PLPPR1: variants seen among roughly 807,000 people sequenced by gnomAD.
PLPPR1 encodes phospholipid phosphatase related 1.
In PLPPR1, 10 loss-of-function variants were observed where a neutral mutation model predicts 33.1. The observed-to-expected ratio is 0.30, with a 90% confidence interval of 0.19 to 0.51. PLPPR1 has a LOEUF of 0.51. PLPPR1 is among the 20% of genes least tolerant of loss of function. PLPPR1 has a pLI of 0.97. For missense variants in PLPPR1, 304 were observed against 408.1 expected, an observed-to-expected ratio of 0.74 and a Z score of 2.20; for synonymous variants, 151 against 151.0, an observed-to-expected ratio of 1.00 and a Z score of 0.00.
In PLPPR1 at chr9:101,286,122, T is replaced by C. The variant is rs1166917256; in HGVS notation, c.271T>C (p.Ser91Pro). 1 of 1,612,570 alleles carries C rather than the reference T, an allele frequency of 6.2e-7. No individual in the cohort carries two copies. The highest frequency in any genetic ancestry group is 8.5e-7 in the Non-Finnish European group (1 of 1,178,732). Residue 91 changes from serine (S) to proline (P), a missense_variant, in exon 4 of 8, where the codon TCC becomes CCC. Ser to Pro is a moderately conservative substitution (Grantham distance 74). Coordinates refer to ENST00000374874, the MANE Select transcript of PLPPR1 (RefSeq NM_207299.2). ...TCCCTAGATTTTTATTGGTGAGATA[T>C]CCATGTATTTCATAAAATCAACAAG... is the stretch of plus-strand genomic sequence containing the variant. ...PTAIIFIGEI[S>P]MYFIKSTRES...
intron 1 of PLPPR1, among the ~76,000 whole-genome samples, chr9:101,078,187 GGA>G (rs1400150511): frequency 1.1e-4 from 2 of 17,734 alleles, no homozygotes; most frequent in African/African-American, 5.1e-4. Flanking sequence ...AAGAAGAAGA[GGA>G]GGGGGGGAGG....
At position 101,312,267 on chromosome 9, in the gene PLPPR1, A is replaced by G. The variant is rs374795263; in HGVS notation, c.637-531A>G. Among the ~76,000 whole-genome samples, 68 of 151,504 alleles carry G rather than the reference A, an allele frequency of 4.5e-4. No homozygotes were observed. The South Asian group carries it at 8.9e-3, about 20-fold the overall frequency. ...TGGGAGGTTCTAATTCAGCCTATCA[A>G]CTAACTCATCAGTCAACACTTTGTT... On this transcript the variant is annotated intron_variant, in intron 5 of 7. Coordinates refer to ENST00000374874, the MANE Select transcript of PLPPR1 (RefSeq NM_207299.2).
rs779662146 is a variant in PLPPR1, at chr9:101,324,096, T to G, written c.*39T>G. On this transcript the variant is annotated 3_prime_UTR_variant, in exon 8 of 8. Coordinates refer to ENST00000374874, the MANE Select transcript of PLPPR1 (RefSeq NM_207299.2). ...TCACAAGCTGTTTTTTAAAATCATC[T>G]TCCAATTCTATACTTCAAAACACAC... 3 of 1,576,042 alleles carry G rather than the reference T, an allele frequency of 1.9e-6. No individual in the cohort carries two copies. The highest frequency in any genetic ancestry group is 1.3e-5 in the African/African-American group (1 of 74,330).
At chr9:101,235,429 C>A (rs2118830381) in intron 2 of PLPPR1, among the ~76,000 whole-genome samples, 1 of 151,896 alleles carries the variant, frequency 6.6e-6, no homozygotes, top group Non-Finnish European at 1.5e-5. Flanking sequence ...ATTGGAAGTG[C>A]TGAATCTGCA....
chr9:101,233,849 T>C (rs1341187357), intron 2 of PLPPR1, among the ~76,000 whole-genome samples: 2 of 151,896 alleles, frequency 1.3e-5, no homozygotes, highest in East Asian at 3.9e-4. Context: ...CAACTTTGCA[T>C]TGGAGGGTAT....
chr9:101,287,684 A>G (rs1828418727), intron 4 of PLPPR1, among the ~76,000 whole-genome samples: 1 of 152,078 alleles, frequency 6.6e-6, no homozygotes, highest in African/African-American at 2.4e-5. Context: ...CATTTTTAGT[A>G]GAGACGAGGT....
chr9:101,091,035 A>T (rs1415639297), intron 1 of PLPPR1, among the ~76,000 whole-genome samples: 1 of 151,392 alleles, frequency 6.6e-6, no homozygotes, highest in Non-Finnish European at 1.5e-5. Context: ...CACATATGTT[A>T]ATCAATCTCA....
intron 2 of PLPPR1, chr9:101,187,235 C>A (rs1826220044): frequency 6.6e-6 from 1 of 151,872 alleles, no homozygotes; most frequent in Non-Finnish European, 1.5e-5. Context: ...ATCCTCCCTG[C>A]AGCAATTTTA....
chr9:101,181,838 T>C (rs2118710611), intron 1 of PLPPR1, among the ~76,000 whole-genome samples: 1 of 147,556 alleles, frequency 6.8e-6, no homozygotes, highest in East Asian at 2.0e-4. Context: ...GTAGTATATA[T>C]ATAGTGTGCA....
At chr9:101,087,898 T>C (rs1830697580) in intron 1 of PLPPR1, among the ~76,000 whole-genome samples, 1 of 152,224 alleles carries the variant, frequency 6.6e-6, no homozygotes, top group South Asian at 2.1e-4. Flanking sequence ...CAATCATTCC[T>C]TTAATCTGAA....
chr9:101,219,563 A>C (rs1488969948), intron 2 of PLPPR1, among the ~76,000 whole-genome samples: 1 of 152,224 alleles, frequency 6.6e-6, no homozygotes, highest in Non-Finnish European at 1.5e-5. Flanking sequence ...ATAAAACAAT[A>C]TATTACCTAC....
intron 2 of PLPPR1, among the ~76,000 whole-genome samples, chr9:101,250,196 T>C (rs1468642857): frequency 6.6e-6 from 1 of 152,026 alleles, no homozygotes; most frequent in Non-Finnish European, 1.5e-5. Context: ...CCCACCATTC[T>C]GCCTCAAAGA....
At chr9:101,165,045 A>G (rs565917862) in intron 1 of PLPPR1, among the ~76,000 whole-genome samples, 5 of 152,172 alleles carry the variant, frequency 3.3e-5, no homozygotes, top group Non-Finnish European at 7.3e-5. Context: ...TTGTTCACTT[A>G]GGTAACATTT....
At chr9:101,162,709 A>G (rs3118942) in intron 1 of PLPPR1, among the ~76,000 whole-genome samples, 99,027 of 151,946 alleles carry the variant, frequency 0.65, 33,248 homozygotes, top group Non-Finnish European at 0.74. Flanking sequence ...AAAAGCTTTG[A>G]GGGTTTGACC....
At chr9:101,033,935 T>C (rs1201745047) in intron 1 of PLPPR1, among the ~76,000 whole-genome samples, 3 of 152,010 alleles carry the variant, frequency 2.0e-5, no homozygotes, top group African/African-American at 7.3e-5. Flanking sequence ...AGGTTGAAAG[T>C]AGGGAACTGA....
chr9:101,272,173 T>G (rs944070633), intron 3 of PLPPR1, among the ~76,000 whole-genome samples: 1 of 152,192 alleles, frequency 6.6e-6, no homozygotes, highest in Non-Finnish European at 1.5e-5. Context: ...ATATCAAATT[T>G]TTTAAAAGAT....
chr9:101,097,451 T>G (rs566656106), intron 1 of PLPPR1, among the ~76,000 whole-genome samples: 2 of 152,300 alleles, frequency 1.3e-5, no homozygotes, highest in East Asian at 3.9e-4. Context: ...ATGATGTGCT[T>G]AGAATATAAG....
At chr9:101,070,510 C>G (rs632490) in intron 1 of PLPPR1, among the ~76,000 whole-genome samples, 138,604 of 152,044 alleles carry the variant, frequency 0.91, 63,398 homozygotes, top group East Asian at 1. Flanking sequence ...AGATTACCAA[C>G]AGATTATTAG....
chr9:101,143,189 C>A (rs75084602), intron 1 of PLPPR1, among the ~76,000 whole-genome samples: 2 of 152,142 alleles, frequency 1.3e-5, no homozygotes, highest in African/African-American at 2.4e-5. Context: ...TATTGTTGCT[C>A]TAACTAGAAA....
Sources: allele counts gnomAD v4.1 joint callset (sites outside exome capture counted in the v4.1 genomes callset), GRCh38; gene constraint gnomAD v4.1.1; transcripts MANE v1.5; gene names NCBI Gene and HGNC (gene_info 2026-07-23, HGNC 2026-07-21).